Variants in SPRR2G observed in about 807,000 individuals in gnomAD.
The protein encoded by SPRR2G is small proline rich protein 2G, also known as small proline-rich protein 2G.
SPRR2G carries 1 observed loss-of-function variant against 0.7 expected under a neutral mutation model. That is an observed-to-expected ratio of 1.49 (90% confidence interval 0.53 to 7.06). The LOEUF is 7.06. SPRR2G is among the 30% of genes most tolerant of loss of function. The probability of loss-of-function intolerance (pLI) is 0.14; values close to 1 mark genes in which losing one functional copy is unlikely to be tolerated. For synonymous variants in SPRR2G, 38 were observed against 33.9 expected, an observed-to-expected ratio of 1.12 and a Z score of -0.42; for missense variants, 96 against 88.5, an observed-to-expected ratio of 1.09 and a Z score of -0.34.
upstream of SPRR2G, among the ~76,000 whole-genome samples, chr1:153,154,819 C>T (rs916991993): frequency 1.3e-5 from 2 of 152,058 alleles, no homozygotes; most frequent in Admixed American, 6.6e-5. Context: ...TCCCACATCT[C>T]ACTAACCCCT....
At chr1:153,188,172 G>A in the SPRR2G span, among the ~76,000 whole-genome samples, 10 of 152,298 alleles carry the variant, frequency 6.6e-5, no homozygotes, top group African/African-American at 1.2e-4. Context: ...CCAGTCAGGA[G>A]GCACAGGGGT....
At chr1:153,196,944 C>T in the SPRR2G span, among the ~76,000 whole-genome samples, 3 of 152,160 alleles carry the variant, frequency 2.0e-5, no homozygotes, top group Admixed American at 6.5e-5. Flanking sequence ...TGGTGGGCAC[C>T]TTAGGAGGAG....
At chr1:153,175,147 T>C in the SPRR2G span, among the ~76,000 whole-genome samples, 1 of 152,162 alleles carries the variant, frequency 6.6e-6, no homozygotes, top group Non-Finnish European at 1.5e-5. Flanking sequence ...TCCATTTCAT[T>C]CTTTCTACCT....
chr1:153,165,755 A>G, the SPRR2G span, among the ~76,000 whole-genome samples: 2 of 152,124 alleles, frequency 1.3e-5, no homozygotes, highest in Non-Finnish European at 2.9e-5. Flanking sequence ...TTGGAGGGAA[A>G]TCAGAGTTCC....
chr1:153,197,543 C>T, the SPRR2G span, among the ~76,000 whole-genome samples: 1 of 152,080 alleles, frequency 6.6e-6, no homozygotes, highest in Non-Finnish European at 1.5e-5. Flanking sequence ...ATTCACTGAG[C>T]ATCTATTATA....
chr1:153,198,672 G>C, the SPRR2G span, among the ~76,000 whole-genome samples: 65,160 of 151,948 alleles, frequency 0.43, 15,081 homozygotes, highest in South Asian at 0.57. Context: ...GAGTCGGAGC[G>C]CATAAGAGGA....
At chr1:153,150,626 G>T (rs950569405) in intron 1 of SPRR2G, among the ~76,000 whole-genome samples, 7 of 152,112 alleles carry the variant, frequency 4.6e-5, no homozygotes, top group Non-Finnish European at 7.4e-5. Context: ...AGCATCTTGT[G>T]TCTCTCACTC....
the SPRR2G span, chr1:153,176,013 T>A: frequency 6.6e-6 from 1 of 152,068 alleles, no homozygotes; most frequent in Non-Finnish European, 1.5e-5. Context: ...GCCGAGATCA[T>A]GCCACTGCAC....
the SPRR2G span, among the ~76,000 whole-genome samples, chr1:153,168,559 C>T: frequency 1.3e-5 from 2 of 152,060 alleles, no homozygotes; most frequent in Non-Finnish European, 2.9e-5. Context: ...TGCTTATTAT[C>T]TGCTTGGGAC....
At chr1:153,169,389 T>C in the SPRR2G span, among the ~76,000 whole-genome samples, 732 of 151,910 alleles carry the variant, frequency 4.8e-3, 10 homozygotes, top group Middle Eastern at 0.017. Flanking sequence ...CATGGTGAAA[T>C]CCCATCTCTA....
chr1:153,190,574 C>T, the SPRR2G span: 1 of 152,262 alleles, frequency 6.6e-6, no homozygotes, highest in Admixed American at 6.5e-5. Flanking sequence ...TACCACACTG[C>T]CTTCTGCTGG....
At chr1:153,179,815 T>C in the SPRR2G span, among the ~76,000 whole-genome samples, 11,941 of 152,176 alleles carry the variant, frequency 0.078, 487 homozygotes, top group African/African-American at 0.11. Flanking sequence ...GATTTCTATC[T>C]TGTCTCCGTA....
At chr1:153,198,949 G>A in the SPRR2G span, among the ~76,000 whole-genome samples, 2 of 152,152 alleles carry the variant, frequency 1.3e-5, no homozygotes, top group African/African-American at 2.4e-5. Flanking sequence ...GAGTAGATGA[G>A]GCTGTAAGTG....
the SPRR2G span, among the ~76,000 whole-genome samples, chr1:153,165,636 CA>C: frequency 1.3e-5 from 2 of 152,236 alleles, no homozygotes; most frequent in East Asian, 3.9e-4. Context: ...GTTAAGAAAA[CA>C]TATATAAAAT....
chr1:153,194,971 C>T, the SPRR2G span, among the ~76,000 whole-genome samples: 23 of 152,170 alleles, frequency 1.5e-4, 2 homozygotes, highest in Admixed American at 1.5e-3. Context: ...TCCTCCACTG[C>T]TGTCACTAAA....
At chr1:153,190,220 G>A in the SPRR2G span, 2 of 152,386 alleles carry the variant, frequency 1.3e-5, no homozygotes, top group Admixed American at 6.5e-5. Flanking sequence ...TACAGTAGAA[G>A]TCCAGCTGTT....
At chr1:153,151,450 G>A (rs1295832202), upstream of SPRR2G, among the ~76,000 whole-genome samples, 2 of 152,230 alleles carry the variant, frequency 1.3e-5, no homozygotes, top group African/African-American at 2.4e-5. Context: ...CAACCTGGGT[G>A]TGTTCTGACA....
the SPRR2G span, among the ~76,000 whole-genome samples, chr1:153,167,698 C>A: frequency 6.6e-6 from 1 of 152,086 alleles, no homozygotes; most frequent in Non-Finnish European, 1.5e-5. Flanking sequence ...GTTCTCTGAC[C>A]TTATCTTCTT....
At chr1:153,183,122 G>T in the SPRR2G span, among the ~76,000 whole-genome samples, 6 of 148,654 alleles carry the variant, frequency 4.0e-5, no homozygotes, top group South Asian at 1.3e-3. Flanking sequence ...AGGCTAGAGT[G>T]CAATGGCATG....
Sources: allele counts gnomAD v4.1 joint callset (sites outside exome capture counted in the v4.1 genomes callset), GRCh38; gene constraint gnomAD v4.1.1; transcripts MANE v1.5; gene names NCBI Gene and HGNC (gene_info 2026-07-23, HGNC 2026-07-21).